Variants in SPTY2D1 observed in about 807,000 individuals in gnomAD.
The protein encoded by SPTY2D1 is protein SPT2 homolog.
SPTY2D1 carries 21 observed loss-of-function variants against 64.0 expected under a neutral mutation model. That is an observed-to-expected ratio of 0.33 (90% CI 0.23 to 0.47). The LOEUF (loss-of-function observed/expected upper bound fraction) is 0.47, where lower values mean the gene tolerates loss of function less well. SPTY2D1 is among the 20% of genes least tolerant of loss of function. The pLI is 1.00. For synonymous variants in SPTY2D1, 287 were observed against 286.8 expected, an observed-to-expected ratio of 1.00 and a Z score of -0.01; for missense variants, 724 against 837.2, an observed-to-expected ratio of 0.86 and a Z score of 1.67.
chr11:18,618,303 C>G (rs562224788), intron 1 of SPTY2D1, among the ~76,000 whole-genome samples: 1 of 152,306 alleles, frequency 6.6e-6, no homozygotes, highest in Admixed American at 6.5e-5. Context: ...GCCTCACAAC[C>G]TCCTTTTTAG....
Position 18,628,698 on chromosome 11 carries a change from A to AT in SPTY2D1, c.60+5499dup, listed in dbSNP as rs1262619244. Among the ~76,000 whole-genome samples, 4 of 152,300 alleles carry AT rather than the reference A, an allele frequency of 2.6e-5. No individual in the cohort carries two copies. The East Asian group carries it at 7.7e-4, about 29-fold the overall frequency. ...ACTGCACTCAAATAAGCTCAATATCATATTGCCAGGACCTCGTTATTAAGG... is the reference window on the plus strand; with the variant it reads ...ACTGCACTCAAATAAGCTCAATATCATTATTGCCAGGACCTCGTTATTAAGG... On this transcript the variant is annotated intron_variant, in intron 1 of 5. Transcript: ENST00000336349.
chr11:18,622,388 G>A (rs966211672), intron 1 of SPTY2D1, among the ~76,000 whole-genome samples: 8 of 151,880 alleles, frequency 5.3e-5, no homozygotes, highest in African/African-American at 1.9e-4. Context: ...AAAATTAGCC[G>A]GACATTGTGA....
intron 1 of SPTY2D1, among the ~76,000 whole-genome samples, chr11:18,624,702 C>T (rs925661239): frequency 2.0e-5 from 3 of 152,126 alleles, no homozygotes; most frequent in Non-Finnish European, 4.4e-5. Context: ...ATGTTGGAAT[C>T]GATAGTCAAT....
intron 1 of SPTY2D1, among the ~76,000 whole-genome samples, chr11:18,626,264 C>A (rs760891846): frequency 4.3e-4 from 66 of 152,188 alleles, no homozygotes; most frequent in Non-Finnish European, 1.5e-4. Flanking sequence ...TCCTCCCTCA[C>A]CTTCAGACTC....
intron 1 of SPTY2D1, among the ~76,000 whole-genome samples, chr11:18,630,412 C>G (rs1854569491): frequency 6.6e-6 from 1 of 151,624 alleles, no homozygotes; most frequent in South Asian, 2.1e-4. Context: ...AAGGTGGAGG[C>G]TGCAGTGAGC....
chr11:18,613,859 A>G (rs1196700369), intron 3 of SPTY2D1, among the ~76,000 whole-genome samples: 1 of 152,146 alleles, frequency 6.6e-6, no homozygotes, highest in Non-Finnish European at 1.5e-5. Flanking sequence ...ACACAAGTAC[A>G]ATCTAAAAAC....
chr11:18,609,008 CAT>C lies in SPTY2D1; in HGVS notation c.*851_*852del, dbSNP rs757071971. On this transcript the variant is annotated 3_prime_UTR_variant, in exon 6 of 6. Coordinates refer to ENST00000336349, the MANE Select transcript of SPTY2D1 (RefSeq NM_194285.3). ...GGGAGGGGAGGAGGGGAGAGCCTCACATGTTACTTCCTTATTTTATAAACTAT... is the reference window on the plus strand; with the variant it reads ...GGGAGGGGAGGAGGGGAGAGCCTCACGTTACTTCCTTATTTTATAAACTAT... 6.6e-6 allele frequency: 1 copy of C among 151,030 alleles called. No individual in the cohort carries two copies. The highest frequency in any genetic ancestry group is 2.4e-5 in the African/African-American group (1 of 40,980). 9.4% of individuals were successfully genotyped at this position (151,030 alleles called of 1,614,324 possible). A position where few individuals can be genotyped will look rare whatever the true frequency, so the allele number is the denominator to read the frequency against.
chr11:18,631,703 G>C (rs1854592309), intron 1 of SPTY2D1, among the ~76,000 whole-genome samples: 2 of 151,652 alleles, frequency 1.3e-5, no homozygotes, highest in South Asian at 4.2e-4. Context: ...GAATAAATAT[G>C]GGGAAATGTT....
At chr11:18,629,225 G>A (rs1036419229) in intron 1 of SPTY2D1, among the ~76,000 whole-genome samples, 6 of 152,216 alleles carry the variant, frequency 3.9e-5, no homozygotes, top group African/African-American at 1.4e-4. Context: ...TGATGGCCCG[G>A]TGTGGTGGCT....
Position 18,611,341 on chromosome 11 carries a change from C to T in SPTY2D1, c.1964+136G>A. 3 of 786,964 alleles carry T rather than the reference C, an allele frequency of 3.8e-6. No homozygotes were observed. The South Asian group carries it at 4.6e-5, about 12-fold the overall frequency. The allele number at this position is 786,964 out of a possible 1,614,324, so 48.7% of individuals were successfully genotyped here. On this transcript the variant is annotated intron_variant, in intron 5 of 5. Coordinates refer to ENST00000336349, the MANE Select transcript of SPTY2D1 (RefSeq NM_194285.3). Reference sequence around the variant, plus strand: ...AACTGTTAAGGAATTTGTCCAAGGCCCCACAGCTAGTAAACAGGATTGGAA... The same window carrying T: ...AACTGTTAAGGAATTTGTCCAAGGCTCCACAGCTAGTAAACAGGATTGGAA...
Position 18,633,833 on chromosome 11 carries a change from C to T in SPTY2D1, c.60+365G>A, listed in dbSNP as rs1854625738. Among the ~76,000 whole-genome samples the T allele has an allele frequency of 1.3e-5, 2 of 152,190 alleles. 1 individual carries two copies. Among genetic ancestry groups the T allele is most frequent in the South Asian group, 4.1e-4 (2 of 4,834 alleles). On this transcript the variant is annotated intron_variant, in intron 1 of 5. Transcript: ENST00000336349. ...CCTAACTCCCTTACATACATATTTC[C>T]TTCCCAATCTCTAGGCTGAAGTTTA... is the stretch of plus-strand genomic sequence containing the variant.
chr11:18,632,389 T>C lies in SPTY2D1; in HGVS notation c.60+1809A>G, dbSNP rs552439720. Among the ~76,000 whole-genome samples, 46 of 151,916 alleles carry C rather than the reference T, an allele frequency of 3.0e-4. No individual in the cohort carries two copies. The South Asian group carries it at 8.9e-3, about 29-fold the overall frequency. ...TTTTTGAAATGAAGTTTTTCTCTTG[T>C]TGCCCAGGCTGGAGTGCAATCGCAC... is the stretch of plus-strand genomic sequence containing the variant. On this transcript the variant is annotated intron_variant, in intron 1 of 5. Coordinates refer to ENST00000336349, the MANE Select transcript of SPTY2D1 (RefSeq NM_194285.3).
intron 1 of SPTY2D1, among the ~76,000 whole-genome samples, chr11:18,631,107 G>A (rs766939173): frequency 6.6e-5 from 10 of 152,200 alleles, no homozygotes; most frequent in Non-Finnish European, 1.5e-4. Context: ...CCAAAGTGCT[G>A]GGATTAAAGG....
intron 1 of SPTY2D1, among the ~76,000 whole-genome samples, chr11:18,622,747 T>C (rs1272012048): frequency 6.6e-6 from 1 of 151,662 alleles, no homozygotes; most frequent in Non-Finnish European, 1.5e-5. Context: ...AGGTCAGGAG[T>C]TCGAGACCAG....
chr11:18,627,616 C>T (rs566632549), intron 1 of SPTY2D1, among the ~76,000 whole-genome samples: 1 of 152,026 alleles, frequency 6.6e-6, no homozygotes, highest in East Asian at 2.0e-4. Context: ...CGGTGGCTCA[C>T]GCCTGTAATT....
intron 1 of SPTY2D1, among the ~76,000 whole-genome samples, chr11:18,625,794 T>C (rs1178511019): frequency 1.3e-5 from 2 of 151,412 alleles, no homozygotes; most frequent in African/African-American, 4.9e-5. Context: ...TGATGGTCAC[T>C]TCTAATTTAA....
At position 18,616,761 on chromosome 11, in the gene SPTY2D1, A is replaced by C. The variant is rs79312809; in HGVS notation, c.175+114T>G. On this transcript the variant is annotated intron_variant, in intron 2 of 5. Coordinates refer to ENST00000336349, the MANE Select transcript of SPTY2D1 (RefSeq NM_194285.3). ...CACACACACACACACACACACACAC[A>C]CCCTCCCAAATCTGTTGGCCTGTTA... The C allele has an allele frequency of 8.2e-5, 66 of 801,802 alleles. No homozygotes were observed. Among genetic ancestry groups the C allele is most frequent in the East Asian group, 2.2e-4 (8 of 36,406 alleles). The allele number at this position is 801,802 out of a possible 1,614,324, so 49.7% of individuals were successfully genotyped here. A position where few individuals can be genotyped will look rare whatever the true frequency, so the allele number is the denominator to read the frequency against.
rs1433224226 is a variant in SPTY2D1 at position 18,609,526 on chromosome 11, CT to C, written c.*334del. ...AAATCAAGAGACAACCTTTTTTTTC[CT>C]TTCAAAGTAGCAAAGGAACAATAAA... On this transcript the variant is annotated 3_prime_UTR_variant, in exon 6 of 6. Transcript: ENST00000336349. 1.7e-5 allele frequency: 4 copies of C among 230,904 alleles called. No homozygotes were observed. Among genetic ancestry groups the C allele is most frequent in the Non-Finnish European group, 3.4e-5 (4 of 117,962 alleles). 14.3% of individuals were successfully genotyped at this position (230,904 alleles called of 1,614,324 possible). A position where few individuals can be genotyped will look rare whatever the true frequency, so the allele number is the denominator to read the frequency against.
chr11:18,633,921 C>G (rs1854627427), intron 1 of SPTY2D1, among the ~76,000 whole-genome samples: 1 of 152,236 alleles, frequency 6.6e-6, no homozygotes, highest in Admixed American at 6.5e-5. Flanking sequence ...TCACTCACGG[C>G]TTTCACGCAA....
Sources: allele counts gnomAD v4.1 joint callset (sites outside exome capture counted in the v4.1 genomes callset), GRCh38; gene constraint gnomAD v4.1.1; transcripts MANE v1.5; gene names NCBI Gene and HGNC (gene_info 2026-07-23, HGNC 2026-07-21).